Variants in TMEM132D observed in about 807,000 individuals in gnomAD.
TMEM132D encodes the protein mature OL transmembrane protein.
TMEM132D carries 21 observed loss-of-function variants against 62.3 expected under a neutral mutation model. The observed-to-expected ratio is 0.34, with a 90% CI of 0.24 to 0.49. TMEM132D has a LOEUF of 0.49. TMEM132D is among the 20% of genes least tolerant of loss of function. TMEM132D has a pLI of 0.99. For synonymous variants in TMEM132D, 621 were observed against 575.6 expected, an observed-to-expected ratio of 1.08 and a Z score of -1.13; for missense variants, 1,346 against 1,402.8, an observed-to-expected ratio of 0.96 and a Z score of 0.65.
intron 1 of TMEM132D, among the ~76,000 whole-genome samples, chr12:129,799,978 C>T (rs1407634142): frequency 6.6e-6 from 1 of 152,162 alleles, no homozygotes; most frequent in Non-Finnish European, 1.5e-5. Context: ...ACTTGGGTCA[C>T]AGGACATGCT....
chr12:129,558,855 C>T (rs989518825), intron 2 of TMEM132D, among the ~76,000 whole-genome samples: 2 of 152,176 alleles, frequency 1.3e-5, no homozygotes, highest in Non-Finnish European at 2.9e-5. Flanking sequence ...TCCTGAGAAA[C>T]ACTGAATGGA....
chr12:129,735,184 T>A (rs1001762393), intron 1 of TMEM132D, among the ~76,000 whole-genome samples: 1 of 152,222 alleles, frequency 6.6e-6, no homozygotes, highest in Non-Finnish European at 1.5e-5. Flanking sequence ...TTGTGTTACA[T>A]TCCGTATCGC....
intron 3 of TMEM132D, among the ~76,000 whole-genome samples, chr12:129,496,845 C>T (rs1278187258): frequency 2.6e-5 from 4 of 152,166 alleles, no homozygotes; most frequent in Non-Finnish European, 5.9e-5. Context: ...GATTCATCCT[C>T]CGCCCTCTTT....
chr12:129,236,255 G>A (rs142313666), intron 4 of TMEM132D, among the ~76,000 whole-genome samples: 292 of 151,766 alleles, frequency 1.9e-3, no homozygotes, highest in Non-Finnish European at 3.0e-3. Context: ...AGTGGCTCAC[G>A]CTTGTTATCC....
intron 4 of TMEM132D, among the ~76,000 whole-genome samples, chr12:129,294,573 C>A (rs578016299): frequency 6.6e-6 from 1 of 152,250 alleles, no homozygotes; most frequent in African/African-American, 2.4e-5. Flanking sequence ...GTTTAGGGGA[C>A]AGGTGACTGG....
intron 3 of TMEM132D, among the ~76,000 whole-genome samples, chr12:129,440,931 G>A (rs955333163): frequency 6.6e-6 from 1 of 152,246 alleles, no homozygotes. Flanking sequence ...TCTTGCTCAT[G>A]TGGGTTTTTA....
intron 2 of TMEM132D, among the ~76,000 whole-genome samples, chr12:129,542,871 A>G (rs2137099057): frequency 6.6e-6 from 1 of 152,094 alleles, no homozygotes; most frequent in African/African-American, 2.4e-5. Context: ...ACAGATATTT[A>G]CCATTGTGTT....
intron 3 of TMEM132D, among the ~76,000 whole-genome samples, chr12:129,383,002 C>A (rs1870998117): frequency 6.6e-6 from 1 of 152,134 alleles, no homozygotes; most frequent in Non-Finnish European, 1.5e-5. Flanking sequence ...CACACAGGAT[C>A]ATTGGGTCGC....
intron 4 of TMEM132D, among the ~76,000 whole-genome samples, chr12:129,320,337 G>T (rs1385440867): frequency 6.6e-6 from 1 of 152,196 alleles, no homozygotes; most frequent in African/African-American, 2.4e-5. Context: ...ATCTGGAGAA[G>T]AATGTGCAGA....
intron 4 of TMEM132D, among the ~76,000 whole-genome samples, chr12:129,328,006 G>C (rs901018113): frequency 2.0e-5 from 3 of 152,132 alleles, no homozygotes; most frequent in African/African-American, 7.2e-5. Context: ...AAGCACTCAG[G>C]GCTGGCCCCT....
At chr12:129,256,808 G>A (rs537229256) in intron 4 of TMEM132D, among the ~76,000 whole-genome samples, 17 of 152,174 alleles carry the variant, frequency 1.1e-4, no homozygotes, top group Non-Finnish European at 2.1e-4. Context: ...TGATCCACCC[G>A]CTTTGACCTC....
intron 1 of TMEM132D, among the ~76,000 whole-genome samples, chr12:129,751,542 ACCAGAGTC>A (rs58905009): frequency 0.47 from 70,447 of 151,360 alleles, 16,851 homozygotes; most frequent in Middle Eastern, 0.57. Flanking sequence ...CCCTGCATCC[ACCAGAGTC>A]CCAGAAAGCA....
intron 1 of TMEM132D, among the ~76,000 whole-genome samples, chr12:129,859,374 C>T (rs547439167): frequency 6.6e-6 from 1 of 152,328 alleles, no homozygotes; most frequent in East Asian, 1.9e-4. Flanking sequence ...CCAACATACT[C>T]GGCTCAAAAT....
chr12:129,695,209 C>T (rs183371033), intron 2 of TMEM132D, among the ~76,000 whole-genome samples: 1 of 152,200 alleles, frequency 6.6e-6, no homozygotes, highest in East Asian at 1.9e-4. Context: ...AATGCAGTCT[C>T]CTGGATGGGA....
Position 129,244,799 on chromosome 12 carries a change from CCTGA to C in TMEM132D, c.1300-35140_1300-35137del, listed in dbSNP as rs1245181020. The stretch of plus-strand genomic sequence containing the variant: ...CGAATCACAGGTGTGGGCCACCACA[CCTGA>C]CTAATTTTTGTATTTTTAGTAGAGA... On this transcript the variant is annotated intron_variant, in intron 4 of 8. Transcript: ENST00000422113. Among the ~76,000 whole-genome samples the C allele has an allele frequency of 2.6e-5, 4 of 152,022 alleles. No homozygotes were observed. In the East Asian group the frequency reaches 7.7e-4, roughly 29 times the overall value.
At chr12:129,231,217 C>T (rs1296008853) in intron 4 of TMEM132D, among the ~76,000 whole-genome samples, 3 of 152,204 alleles carry the variant, frequency 2.0e-5, no homozygotes, top group East Asian at 1.9e-4. Context: ...CAGACTCAAA[C>T]GTGTCCTTGA....
rs577396771 is a variant in TMEM132D at position 129,405,818 on chromosome 12, A to G, written c.1116-68001T>C. Among the ~76,000 whole-genome samples, 26 of 152,254 alleles carry G rather than the reference A, an allele frequency of 1.7e-4. 2 individuals carry two copies. Among genetic ancestry groups the G allele is most frequent in the Admixed American group, 1.2e-3 (19 of 15,294 alleles). ...CCCATCGTTCATTACTATAATATTTAGGTGACTGTCCTTGAATCTTAAAAA... is the reference window on the plus strand; with the variant it reads ...CCCATCGTTCATTACTATAATATTTGGGTGACTGTCCTTGAATCTTAAAAA... On this transcript the variant is annotated intron_variant, in intron 3 of 8. Transcript: ENST00000422113.
At chr12:129,132,427 G>A (rs1172327250) in intron 5 of TMEM132D, among the ~76,000 whole-genome samples, 1 of 152,108 alleles carries the variant, frequency 6.6e-6, no homozygotes, top group African/African-American at 2.4e-5. Context: ...CAAAAAAATA[G>A]GCCATTTGGG....
intron 3 of TMEM132D, among the ~76,000 whole-genome samples, chr12:129,448,250 T>C (rs1873166539): frequency 1.3e-5 from 2 of 152,012 alleles, no homozygotes; most frequent in Non-Finnish European, 2.9e-5. Flanking sequence ...AGTTATGGGG[T>C]ATATGTGCAG....
Sources: allele counts gnomAD v4.1 joint callset (sites outside exome capture counted in the v4.1 genomes callset), GRCh38; gene constraint gnomAD v4.1.1; transcripts MANE v1.5; gene names NCBI Gene and HGNC (gene_info 2026-07-23, HGNC 2026-07-21).